Variants in TFEC observed in about 807,000 individuals in gnomAD.
The protein encoded by TFEC is transcription factor EC, also known as class E basic helix-loop-helix protein 34.
In TFEC, 31 loss-of-function variants were observed where a neutral mutation model predicts 41.6. The observed-to-expected ratio is 0.74, with a 90% confidence interval of 0.56 to 1.01. The LOEUF is 1.01. TFEC is among the 50% of genes least tolerant of loss of function. The pLI is 0.00. For synonymous variants in TFEC, 143 were observed against 140.6 expected, an observed-to-expected ratio of 1.02 and a Z score of -0.12; for missense variants, 402 against 404.1, an observed-to-expected ratio of 0.99 and a Z score of 0.04.
intron 3 of TFEC, among the ~76,000 whole-genome samples, chr7:116,062,794 C>G (rs746293442): frequency 2.0e-5 from 3 of 151,858 alleles, no homozygotes; most frequent in Admixed American, 6.6e-5. Flanking sequence ...AAGGAATCTC[C>G]ACACTGTTTT....
At chr7:115,976,625 A>AT (rs1461200218) in intron 2 of TFEC, among the ~76,000 whole-genome samples, 2 of 152,166 alleles carry the variant, frequency 1.3e-5, no homozygotes, top group Admixed American at 6.5e-5. Context: ...AGTCTCTGAA[A>AT]TTCTTTAAGT....
At chr7:116,044,012 AT>A (rs1389356074) in intron 3 of TFEC, among the ~76,000 whole-genome samples, 2 of 152,170 alleles carry the variant, frequency 1.3e-5, no homozygotes, top group Non-Finnish European at 2.9e-5. Flanking sequence ...CTGCCATGTA[AT>A]TCTTAGTTAT....
At chr7:115,947,070 C>G in intron 6 of TFEC, among the ~76,000 whole-genome samples, 1 of 110,170 alleles carries the variant, frequency 9.1e-6, no homozygotes, top group Admixed American at 1.1e-4. Context: ...TCCCTCCCCC[C>G]TCCCCCCACC....
chr7:115,990,562 T>C (rs1253639118), intron 1 of TFEC, among the ~76,000 whole-genome samples: 2 of 152,124 alleles, frequency 1.3e-5, no homozygotes, highest in Admixed American at 1.3e-4. Context: ...CTGAAAACCA[T>C]GGCACGAGAA....
rs575245684 is a variant in TFEC at position 115,940,598 on chromosome 7, T to C, written c.997A>G (p.Ser333Gly). 2.9e-5 allele frequency: 47 copies of C among 1,613,390 alleles called. No homozygotes were observed. In the East Asian group the frequency reaches 1.0e-3, roughly 34 times the overall value. The change falls in exon 8 of 8, where the codon AGC becomes GGC. Residue 333 changes from serine to glycine, a missense_variant. Physicochemically the swap from Ser to Gly is moderately conservative, Grantham distance 56 (BLOSUM62 0). Transcript: ENST00000265440. ...GAGCTAAAGCTACTTCTCCTACTGC[T>C]TTCTTTGGAAACTGCAGGGGAAGTG... ...SATSPAVSKE[S>G]SRRSSFSSDD...
intron 1 of TFEC, among the ~76,000 whole-genome samples, chr7:116,136,198 A>G (rs1350913192): frequency 6.6e-6 from 1 of 152,084 alleles, no homozygotes; most frequent in East Asian, 1.9e-4. Flanking sequence ...GAGGGACTAC[A>G]GTAAAATGAC....
chr7:115,979,390 A>G (rs1793525469), intron 2 of TFEC, among the ~76,000 whole-genome samples: 1 of 152,056 alleles, frequency 6.6e-6, no homozygotes, highest in African/African-American at 2.4e-5. Flanking sequence ...CATCTGGCTA[A>G]ATGCCCTACT....
chr7:116,004,740 A>C (rs552719919), intron 1 of TFEC, among the ~76,000 whole-genome samples: 1 of 152,276 alleles, frequency 6.6e-6, no homozygotes, highest in Admixed American at 6.5e-5. Context: ...ATGCAAGTAC[A>C]ATGAAGAGAA....
At chr7:115,991,557 A>G (rs1012271917) in intron 1 of TFEC, among the ~76,000 whole-genome samples, 14 of 152,212 alleles carry the variant, frequency 9.2e-5, no homozygotes, top group Admixed American at 7.2e-4. Flanking sequence ...GAAAACAAAA[A>G]AAAGGAGGGG....
rs34298819 is a variant in TFEC at position 115,940,839 on chromosome 7, G to T, written c.756C>A (p.Ser252Arg). Residue 252 changes from serine (S) to arginine (R), a missense_variant, in exon 8 of 8, where the codon AGC becomes AGA. Transcript: ENST00000265440. ...AGTCTACTGAATTCTGCTCAGGATG[G>T]CTCTGCTGTTTGGTGACATGAGCAC... ...DLGAHVTKQQ[S>R]HPEQNSVDYC... 7 of 1,613,318 alleles carry T rather than the reference G, an allele frequency of 4.3e-6. No individual in the cohort carries two copies. Among genetic ancestry groups the T allele is most frequent in the Non-Finnish European group, 5.9e-6 (7 of 1,179,584 alleles).
intron 1 of TFEC, among the ~76,000 whole-genome samples, chr7:116,159,625 A>G (rs762888178): frequency 5.3e-5 from 8 of 152,174 alleles, no homozygotes; most frequent in Non-Finnish European, 8.8e-5. Context: ...TAGCAGCATT[A>G]AAAGTTTTAT....
chr7:115,991,063 G>A (rs1366319062), intron 1 of TFEC, among the ~76,000 whole-genome samples: 1 of 152,170 alleles, frequency 6.6e-6, no homozygotes, highest in Non-Finnish European at 1.5e-5. Context: ...TAGAAGAGAG[G>A]GGGGCCAGTA....
intron 3 of TFEC, among the ~76,000 whole-genome samples, chr7:116,099,453 A>C (rs989913636): frequency 6.6e-6 from 1 of 152,178 alleles, no homozygotes; most frequent in Non-Finnish European, 1.5e-5. Flanking sequence ...CGGCGACTCT[A>C]GAGTTAGCCA....
chr7:115,946,822 C>T (rs968442610), intron 6 of TFEC, among the ~76,000 whole-genome samples: 1 of 151,236 alleles, frequency 6.6e-6, no homozygotes, highest in African/African-American at 2.4e-5. Context: ...AGGCATGAGA[C>T]AATGTGCCTG....
At chr7:116,135,332 G>A (rs1480752729) in intron 1 of TFEC, among the ~76,000 whole-genome samples, 4 of 152,084 alleles carry the variant, frequency 2.6e-5, no homozygotes, top group East Asian at 1.9e-4. Flanking sequence ...AAATGAGCAC[G>A]GTACAGCATT....
At chr7:116,007,000 C>T (rs1014951695) in intron 1 of TFEC, among the ~76,000 whole-genome samples, 4 of 152,122 alleles carry the variant, frequency 2.6e-5, no homozygotes, top group Admixed American at 6.5e-5. Flanking sequence ...CCCAGCCATG[C>T]GGAACTGTAA....
chr7:116,063,222 G>C (rs910745064), intron 3 of TFEC, among the ~76,000 whole-genome samples: 2 of 152,114 alleles, frequency 1.3e-5, no homozygotes, highest in Non-Finnish European at 2.9e-5. Flanking sequence ...ACTAGAGAAG[G>C]CAAGCTAATG....
rs1183226444 is a variant in TFEC at position 115,968,222 on chromosome 7, G to A, written c.267+5948C>T. The stretch of plus-strand genomic sequence containing the variant: ...TGAAGTGTCTATAACCTTCACAATA[G>A]CAATGGTTTTCTCTTTCTCCTTCAT... On this transcript the variant is annotated intron_variant, in intron 3 of 7. Transcript: ENST00000265440. 3 of 1,530,928 alleles carry A rather than the reference G, an allele frequency of 2.0e-6. No homozygotes were observed. In the East Asian group the frequency reaches 7.4e-5, roughly 38 times the overall value. The allele number at this position is 1,530,928 out of a possible 1,614,324, so 94.8% of individuals were successfully genotyped here.
At chr7:115,989,449 C>T (rs545435705) in intron 1 of TFEC, among the ~76,000 whole-genome samples, 2 of 152,260 alleles carry the variant, frequency 1.3e-5, no homozygotes, top group South Asian at 4.1e-4. Flanking sequence ...GGCGGGGCAT[C>T]GCCTCACCCG....
Sources: gnomAD v4.1 joint callset for allele counts (sites outside exome capture counted in the v4.1 genomes callset) on GRCh38, gnomAD v4.1.1 for gene constraint, MANE v1.5 for transcripts, NCBI Gene and HGNC (gene_info 2026-07-23, HGNC 2026-07-21) for gene names.